CHCHD3: variants seen among roughly 807,000 people sequenced by gnomAD.
CHCHD3 encodes coiled-coil-helix-coiled-coil-helix domain containing 3.
In CHCHD3, 20 loss-of-function variants were observed where a neutral mutation model predicts 38.2. That is an observed-to-expected ratio of 0.52 (90% CI 0.37 to 0.76). The LOEUF is 0.76. CHCHD3 is among the 30% of genes least tolerant of loss of function. The pLI, the probability that CHCHD3 is intolerant of heterozygous loss-of-function variation, is 0.00. For missense variants in CHCHD3, 245 were observed against 279.2 expected, an observed-to-expected ratio of 0.88 and a Z score of 0.87; for synonymous variants, 82 against 100.0, an observed-to-expected ratio of 0.82 and a Z score of 1.07.
rs776725685 is a variant in CHCHD3 at position 133,018,757 on chromosome 7, ACTGCAC to A, written c.251+5783_251+5788del. ...TATATGCCCACATACATAATATAGAACTGCACCTTCTAGAAAAAAGGTTATCATGAT... is the reference window on the plus strand; with the variant it reads ...TATATGCCCACATACATAATATAGAACTTCTAGAAAAAAGGTTATCATGAT... On this transcript the variant is annotated intron_variant, in intron 3 of 7. Transcript: ENST00000262570. Among the ~76,000 whole-genome samples, 61 of 152,228 alleles carry A rather than the reference ACTGCAC, an allele frequency of 4.0e-4. 1 individual carries two copies. Among genetic ancestry groups the A allele is most frequent in the Admixed American group, 1.8e-3 (27 of 15,294 alleles).
chr7:132,859,927 C>T (rs1562887857), intron 5 of CHCHD3, among the ~76,000 whole-genome samples: 1 of 152,136 alleles, frequency 6.6e-6, no homozygotes. Flanking sequence ...CTCAATGGTC[C>T]AAATGTTTTA....
intron 1 of CHCHD3, among the ~76,000 whole-genome samples, chr7:133,081,036 G>A (rs1815157057): frequency 6.6e-6 from 1 of 152,070 alleles, no homozygotes; most frequent in Admixed American, 6.6e-5. Flanking sequence ...GTTAGTGCTG[G>A]TATACTGACA....
chr7:132,794,462 C>A (rs1806550732), intron 7 of CHCHD3, among the ~76,000 whole-genome samples: 1 of 152,124 alleles, frequency 6.6e-6, no homozygotes. Context: ...GTGAAATGAC[C>A]TTGCAATCCT....
intron 2 of CHCHD3, among the ~76,000 whole-genome samples, chr7:133,061,118 T>C (rs1311364105): frequency 1.3e-5 from 2 of 152,000 alleles, no homozygotes; most frequent in East Asian, 3.9e-4. Flanking sequence ...TGTAAGAGAT[T>C]TGGGCTGCAT....
chr7:132,888,744 G>A (rs1585607250), intron 4 of CHCHD3, among the ~76,000 whole-genome samples: 1 of 151,930 alleles, frequency 6.6e-6, no homozygotes, highest in African/African-American at 2.4e-5. Flanking sequence ...AACAGTAAGA[G>A]TCCTTGAAAG....
chr7:133,074,420 T>C (rs963266791), intron 1 of CHCHD3, among the ~76,000 whole-genome samples: 10 of 152,192 alleles, frequency 6.6e-5, no homozygotes, highest in African/African-American at 2.4e-4. Context: ...GCCAGCTGCA[T>C]CCTTCTAACA....
At chr7:133,010,927 T>C (rs1411395594) in intron 3 of CHCHD3, among the ~76,000 whole-genome samples, 2 of 151,750 alleles carry the variant, frequency 1.3e-5, no homozygotes, top group South Asian at 4.2e-4. Flanking sequence ...AAGAATACTA[T>C]AAAGAAACAT....
intron 4 of CHCHD3, among the ~76,000 whole-genome samples, chr7:132,965,057 T>TTGTGTGTGTG (rs932006782): frequency 1.4e-4 from 8 of 57,482 alleles, no homozygotes; most frequent in African/African-American, 3.6e-4. Context: ...GCTATGGGTT[T>TTGTGTGTGTG]TATGTGTGTG....
intron 6 of CHCHD3, among the ~76,000 whole-genome samples, chr7:132,833,349 G>A (rs2117087480): frequency 6.6e-6 from 1 of 152,222 alleles, no homozygotes; most frequent in Non-Finnish European, 1.5e-5. Context: ...TTAGGTTTTA[G>A]AGCTAAAATT....
intron 4 of CHCHD3, among the ~76,000 whole-genome samples, chr7:132,898,185 G>A (rs1234948274): frequency 6.6e-6 from 1 of 152,190 alleles, no homozygotes. Context: ...TTATTGCAGA[G>A]AGCCAAAGAA....
At chr7:132,922,796 AC>A in intron 4 of CHCHD3, among the ~76,000 whole-genome samples, 1 of 151,790 alleles carries the variant, frequency 6.6e-6, no homozygotes, top group East Asian at 2.0e-4. Flanking sequence ...ACAAATAGCT[AC>A]CCTGTATTTC....
intron 6 of CHCHD3, among the ~76,000 whole-genome samples, chr7:132,817,376 A>AT (rs1807226784): frequency 6.6e-6 from 1 of 152,184 alleles, no homozygotes; most frequent in East Asian, 1.9e-4. Flanking sequence ...GAAAGTTTTT[A>AT]TAGCATAAAA....
chr7:132,967,989 C>T (rs920656188), intron 4 of CHCHD3, among the ~76,000 whole-genome samples: 3 of 152,298 alleles, frequency 2.0e-5, no homozygotes, highest in African/African-American at 2.4e-5. Context: ...GGGATCTTAA[C>T]ATGCAGCCTA....
intron 4 of CHCHD3, among the ~76,000 whole-genome samples, chr7:132,894,777 G>A (rs1264853936): frequency 1.3e-5 from 2 of 152,160 alleles, no homozygotes; most frequent in African/African-American, 2.4e-5. Flanking sequence ...TAATGTCTAC[G>A]ATTTAGTTCA....
intron 2 of CHCHD3, chr7:133,034,585 G>A: frequency 1.3e-6 from 2 of 1,482,876 alleles, no homozygotes; most frequent in Non-Finnish European, 1.8e-6. Context: ...GGTGCAGGCA[G>A]CTAGGTGATG....
intron 3 of CHCHD3, among the ~76,000 whole-genome samples, chr7:133,014,927 T>G (rs1812985444): frequency 6.6e-6 from 1 of 152,116 alleles, no homozygotes; most frequent in South Asian, 2.1e-4. Flanking sequence ...ACCAGCTGCT[T>G]CCACATACTC....
At chr7:133,022,022 G>C (rs1167408268) in intron 3 of CHCHD3, among the ~76,000 whole-genome samples, 2 of 152,072 alleles carry the variant, frequency 1.3e-5, no homozygotes, top group African/African-American at 2.4e-5. Flanking sequence ...CAGAGGTGGA[G>C]GTTGCAGTGA....
In CHCHD3 at chr7:133,082,054, C is replaced by T. The variant is rs188997165; in HGVS notation, c.-117G>A. On this transcript the variant is annotated 5_prime_UTR_variant, in exon 1 of 8. Transcript: ENST00000262570. The stretch of plus-strand genomic sequence containing the variant: ...CTTTTCCCGCACAGCGGGAGCAAGG[C>T]CACGACCCCCAGAAGCAAGGAGAAG... 3.3e-6 allele frequency: 3 copies of T among 917,450 alleles called. No individual in the cohort carries two copies. Among genetic ancestry groups the T allele is most frequent in the Non-Finnish European group, 3.2e-6 (2 of 626,302 alleles). 56.8% of individuals were successfully genotyped at this position (917,450 alleles called of 1,614,324 possible).
chr7:132,883,923 T>A (rs1459173650), intron 5 of CHCHD3, among the ~76,000 whole-genome samples: 1 of 152,152 alleles, frequency 6.6e-6, no homozygotes, highest in Non-Finnish European at 1.5e-5. Context: ...TGGAAAAACC[T>A]TCTAGTTATA....
Sources: allele counts gnomAD v4.1 joint callset (sites outside exome capture counted in the v4.1 genomes callset), GRCh38; gene constraint gnomAD v4.1.1; transcripts MANE v1.5; gene names NCBI Gene and HGNC (gene_info 2026-07-23, HGNC 2026-07-21).